The following NTN1 variants were observed in gnomAD, a reference collection of about 807,000 sequenced individuals.
NTN1 encodes the protein netrin 1, also known as netrin-1.
NTN1 carries 11 observed loss-of-function variants against 54.2 expected under a neutral mutation model. The observed-to-expected ratio is 0.20, with a 90% CI of 0.13 to 0.34. The LOEUF (loss-of-function observed/expected upper bound fraction) is 0.34, where lower values mean the gene tolerates loss of function less well. Ranked by LOEUF, NTN1 falls within the 10% of genes least tolerant of loss-of-function variation. The probability of loss-of-function intolerance (pLI) is 1.00; values close to 1 mark genes in which losing one functional copy is unlikely to be tolerated. For missense variants in NTN1, 740 were observed against 893.1 expected (o/e 0.83, Z 2.18); for synonymous variants, 371 against 382.0 (o/e 0.97, Z 0.33).
At chr17:9,084,265 G>A (rs569969046) in intron 2 of NTN1, among the ~76,000 whole-genome samples, 18 of 152,144 alleles carry the variant, frequency 1.2e-4, no homozygotes, top group Non-Finnish European at 2.4e-4. Context: ...GTGCCACCAC[G>A]CCTGCATGAG....
intron 2 of NTN1, among the ~76,000 whole-genome samples, chr17:9,030,806 G>A (rs1018671271): frequency 6.6e-5 from 10 of 151,972 alleles, no homozygotes; most frequent in Admixed American, 6.6e-4. Flanking sequence ...GTAGACCTCC[G>A]GATTATTTAA....
At chr17:9,013,216 CTTTTT>C in the NTN1 span, among the ~76,000 whole-genome samples, 1 of 118,724 alleles carries the variant, frequency 8.4e-6, no homozygotes, top group African/African-American at 3.2e-5. Context: ...TTTTCTTTTT[CTTTTT>C]TTTTTTTTTT....
At chr17:9,156,609 A>G (rs2092343043) in intron 2 of NTN1, among the ~76,000 whole-genome samples, 1 of 152,198 alleles carries the variant, frequency 6.6e-6, no homozygotes, top group African/African-American at 2.4e-5. Context: ...TGGTAAATTC[A>G]TCAAAAACAA....
chr17:9,230,044 C>T, intron 6 of NTN1, among the ~76,000 whole-genome samples: 1 of 127,856 alleles, frequency 7.8e-6, no homozygotes, highest in African/African-American at 3.2e-5. Flanking sequence ...GGACACGGGG[C>T]CTCTCAGCAA....
In NTN1 at chr17:9,221,914, G is replaced by A. The variant is rs757325220; in HGVS notation, c.1486+672G>A. On this transcript the variant is annotated intron_variant, in intron 6 of 6. Coordinates refer to ENST00000173229, the MANE Select transcript of NTN1 (RefSeq NM_004822.3). This position sits in a 1 kb window ranked among gnomAD's most constrained non-coding sequence, Gnocchi z 4.5. ...TGGGAGCCTGCAGGAGGAGGGCCCCGCAGTGGCCAGCGGGCAGGTGTGTGT... is the reference window on the plus strand; with the variant it reads ...TGGGAGCCTGCAGGAGGAGGGCCCCACAGTGGCCAGCGGGCAGGTGTGTGT... Among the ~76,000 whole-genome samples the A allele has an allele frequency of 3.9e-5, 6 of 152,198 alleles. No individual in the cohort carries two copies. Among genetic ancestry groups the A allele is most frequent in the Non-Finnish European group, 7.4e-5 (5 of 68,026 alleles).
chr17:9,018,461 G>A (rs557937656), upstream of NTN1, among the ~76,000 whole-genome samples: 13 of 151,940 alleles, frequency 8.6e-5, no homozygotes, highest in South Asian at 6.2e-4. Flanking sequence ...GTGAAACCCC[G>A]TCTCTACTAA....
At chr17:9,163,159 C>T (rs2092363128) in intron 3 of NTN1, among the ~76,000 whole-genome samples, 158 bp downstream of exon 3, 1 of 104,106 alleles carries the variant, frequency 9.6e-6, no homozygotes, top group African/African-American at 4.1e-5. Context: ...CACACACACA[C>T]ACACACACAC....
intron 5 of NTN1, among the ~76,000 whole-genome samples, chr17:9,183,902 C>T (rs1430589069): frequency 6.6e-6 from 1 of 152,194 alleles, no homozygotes; most frequent in Non-Finnish European, 1.5e-5. Context: ...CTCAGGCCTG[C>T]ACCCAGAGTC....
At chr17:9,101,963 G>A (rs1013326128) in intron 2 of NTN1, among the ~76,000 whole-genome samples, 3 of 152,194 alleles carry the variant, frequency 2.0e-5, no homozygotes, top group Admixed American at 6.5e-5. Flanking sequence ...ATCACTGCAC[G>A]CCAGCCTGGG....
At chr17:9,025,081 T>A (rs913991288) in intron 2 of NTN1, among the ~76,000 whole-genome samples, 4 of 152,210 alleles carry the variant, frequency 2.6e-5, no homozygotes, top group Non-Finnish European at 4.4e-5. Context: ...AAGATAACTT[T>A]GTCTTGTCAC....
At chr17:9,202,033 C>CACACACAA (rs1346697273) in intron 5 of NTN1, among the ~76,000 whole-genome samples, 5 of 17,520 alleles carry the variant, frequency 2.9e-4, no homozygotes, top group Admixed American at 6.9e-4. Context: ...TAAAAATACA[C>CACACACAA]ACACACACAC....
upstream of NTN1, among the ~76,000 whole-genome samples, chr17:9,019,288 G>A (rs1370068170): frequency 3.3e-5 from 5 of 152,140 alleles, no homozygotes. Context: ...TATTAACTGT[G>A]TTGTCTTTTT....
At chr17:9,051,825 G>C (rs937385926) in intron 2 of NTN1, among the ~76,000 whole-genome samples, 5 of 152,114 alleles carry the variant, frequency 3.3e-5, no homozygotes, top group African/African-American at 1.2e-4. Context: ...TGTACCCTTT[G>C]ACCAGTGTCT....
intron 2 of NTN1, among the ~76,000 whole-genome samples, chr17:9,147,240 G>A (rs1249955610): frequency 6.6e-6 from 1 of 152,242 alleles, no homozygotes; most frequent in Admixed American, 6.5e-5. Flanking sequence ...TAGCTCACGT[G>A]TAAGAATATT....
At chr17:9,035,253 G>C (rs1379250155) in intron 2 of NTN1, among the ~76,000 whole-genome samples, 1 of 152,100 alleles carries the variant, frequency 6.6e-6, no homozygotes, top group African/African-American at 2.4e-5. Flanking sequence ...GACGGGTTTT[G>C]ATTATTTTTG....
intron 2 of NTN1, among the ~76,000 whole-genome samples, chr17:9,030,239 G>T (rs1370186570): frequency 5.3e-5 from 8 of 152,176 alleles, no homozygotes; most frequent in African/African-American, 1.7e-4. Context: ...GGCACTCAGA[G>T]CACAAAGGAA....
At chr17:9,034,410 ATTC>A (rs941193341) in intron 2 of NTN1, among the ~76,000 whole-genome samples, 15 of 138,818 alleles carry the variant, frequency 1.1e-4, no homozygotes, top group Non-Finnish European at 4.6e-5. Flanking sequence ...AGGGCTTGTT[ATTC>A]TTTTTTTTTT....
chr17:9,213,840 TCA>T (rs1489132021), intron 5 of NTN1, among the ~76,000 whole-genome samples: 1 of 152,214 alleles, frequency 6.6e-6, no homozygotes, highest in African/African-American at 2.4e-5. Flanking sequence ...TGTCTCTTAC[TCA>T]GTTTAATTTG....
intron 5 of NTN1, among the ~76,000 whole-genome samples, chr17:9,185,010 T>C (rs185037188): frequency 5.2e-4 from 79 of 152,388 alleles, no homozygotes; most frequent in Admixed American, 7.8e-4. Flanking sequence ...TTTAAAAGCA[T>C]GGTTTAAACC....
Sources: gnomAD v4.1 joint callset for allele counts (sites outside exome capture counted in the v4.1 genomes callset) on GRCh38, gnomAD v4.1.1 for gene constraint, Gnocchi (gnomAD v3.1) non-coding constraint, MANE v1.5 for transcripts, NCBI Gene and HGNC (gene_info 2026-07-23, HGNC 2026-07-21) for gene names.